Variants in ROBO2 observed in about 807,000 individuals in gnomAD.
The protein encoded by ROBO2 is roundabout guidance receptor 2, also known as roundabout homolog 2.
In ROBO2, 53 loss-of-function variants were observed where a neutral mutation model predicts 160.8. The ratio of observed to expected loss-of-function variants is 0.33; its 90% confidence interval spans 0.26 to 0.41. ROBO2 has a LOEUF of 0.41. ROBO2 is among the 10% of genes least tolerant of loss of function. The probability of loss-of-function intolerance (pLI) is 1.00; values close to 1 mark genes in which losing one functional copy is unlikely to be tolerated. For missense variants in ROBO2, 1,577 were observed against 1,722.4 expected, an observed-to-expected ratio of 0.92 and a Z score of 1.49; for synonymous variants, 664 against 611.7, an observed-to-expected ratio of 1.09 and a Z score of -1.26.
intron 2 of ROBO2, among the ~76,000 whole-genome samples, chr3:76,737,417 A>G (rs565701876): frequency 6.6e-6 from 1 of 152,180 alleles, no homozygotes; most frequent in South Asian, 2.1e-4. Context: ...ATTTTCTGAG[A>G]ATTGGAATCC....
chr3:76,939,978 G>GCTTTTTTTT (rs2078048454), intron 2 of ROBO2, among the ~76,000 whole-genome samples: 1 of 81,460 alleles, frequency 1.2e-5, no homozygotes, highest in African/African-American at 5.2e-5. Context: ...AAAGCAACAG[G>GCTTTTTTTT]ATTTTTTTTT....
chr3:76,628,761 C>A (rs147199503), intron 2 of ROBO2, among the ~76,000 whole-genome samples: 1 of 152,242 alleles, frequency 6.6e-6, no homozygotes, highest in East Asian at 1.9e-4. Context: ...ATCAATTCTA[C>A]TAGTTTTGTT....
chr3:76,563,477 G>C (rs533172752), intron 2 of ROBO2, among the ~76,000 whole-genome samples: 1 of 152,070 alleles, frequency 6.6e-6, no homozygotes, highest in African/African-American at 2.4e-5. Context: ...TATTATTCTT[G>C]TCCCTTTATG....
chr3:75,966,543 C>T (rs1428026884), intron 2 of ROBO2, among the ~76,000 whole-genome samples: 1 of 151,632 alleles, frequency 6.6e-6, no homozygotes, highest in African/African-American at 2.4e-5. Flanking sequence ...GCCATGCTTG[C>T]ATTTGAATCC....
intron 2 of ROBO2, among the ~76,000 whole-genome samples, chr3:76,424,968 A>C (rs2076150294): frequency 6.6e-6 from 1 of 152,114 alleles, no homozygotes; most frequent in Non-Finnish European, 1.5e-5. Flanking sequence ...CTCATCTTCC[A>C]CCACACCCAG....
chr3:77,112,845 T>A (rs1437606032), intron 2 of ROBO2, among the ~76,000 whole-genome samples: 1 of 152,136 alleles, frequency 6.6e-6, no homozygotes, highest in East Asian at 1.9e-4. Context: ...TAAACCTAAA[T>A]AATAAATAAA....
At chr3:76,373,121 T>A (rs1252632459) in intron 2 of ROBO2, among the ~76,000 whole-genome samples, 2 of 152,138 alleles carry the variant, frequency 1.3e-5, no homozygotes, top group South Asian at 4.1e-4. Flanking sequence ...TTTCATTCCA[T>A]GGAACTAGAG....
At chr3:77,337,445 T>A (rs1174288380) in intron 2 of ROBO2, among the ~76,000 whole-genome samples, 1 of 152,168 alleles carries the variant, frequency 6.6e-6, no homozygotes, top group Non-Finnish European at 1.5e-5. Flanking sequence ...TCTTAAAGGC[T>A]GCTCAAGTTC....
At chr3:76,844,678 G>A (rs1006269278) in intron 2 of ROBO2, among the ~76,000 whole-genome samples, 4 of 151,874 alleles carry the variant, frequency 2.6e-5, no homozygotes, top group South Asian at 4.1e-4. Context: ...AAAAGTTGTA[G>A]TGTCCAGGAA....
rs1051210899 is a variant in ROBO2, at chr3:75,961,712, C to A, written c.109+24110C>A. ...GATTTTTTTATGCTATCTCATCAAA[C>A]TGAAACTTTTTGATGGATATAGAAA... On this transcript the variant is annotated intron_variant, in intron 2 of 26. Transcript: ENST00000487694. Among the ~76,000 whole-genome samples the A allele has an allele frequency of 2.0e-5, 3 of 151,286 alleles. No individual in the cohort carries two copies. The East Asian group carries it at 5.9e-4, about 30-fold the overall frequency.
chr3:76,961,928 A>T (rs1296077176), intron 2 of ROBO2, among the ~76,000 whole-genome samples: 1 of 152,186 alleles, frequency 6.6e-6, no homozygotes, highest in Non-Finnish European at 1.5e-5. Context: ...GCCTGGTGAG[A>T]TGGCTCACAC....
chr3:76,306,683 G>GAT (rs1392325829), intron 2 of ROBO2, among the ~76,000 whole-genome samples: 1 of 152,072 alleles, frequency 6.6e-6, no homozygotes, highest in Non-Finnish European at 1.5e-5. Flanking sequence ...AATTCTTAAG[G>GAT]ATATAAGCAT....
In ROBO2 at chr3:76,739,995, GA is replaced by G. The variant is rs2093776359; in HGVS notation, c.110-358014del. ...TATGGGTCTTCCATTTCAAAACTAA[GA>G]AAAATGGCGTTTTTGAACATATCTT... is the stretch of plus-strand genomic sequence containing the variant. On this transcript the variant is annotated intron_variant, in intron 2 of 26. Transcript: ENST00000487694. Among the ~76,000 whole-genome samples, 4 of 152,254 alleles carry G rather than the reference GA, an allele frequency of 2.6e-5. No homozygotes were observed. In the South Asian group the frequency reaches 8.3e-4, roughly 32 times the overall value.
At chr3:76,072,926 A>T (rs186202711) in intron 2 of ROBO2, among the ~76,000 whole-genome samples, 104 of 152,346 alleles carry the variant, frequency 6.8e-4, no homozygotes, top group Middle Eastern at 3.4e-3. Flanking sequence ...GAAATCAATA[A>T]TAGAAAGTAC....
intron 2 of ROBO2, among the ~76,000 whole-genome samples, chr3:76,135,508 C>T (rs1230968653): frequency 6.6e-6 from 1 of 152,010 alleles, no homozygotes; most frequent in Non-Finnish European, 1.5e-5. Context: ...TTGGTAATTC[C>T]TTAATCCACT....
chr3:77,599,988 T>G (rs1158790495), intron 19 of ROBO2, among the ~76,000 whole-genome samples: 1 of 152,120 alleles, frequency 6.6e-6, no homozygotes, highest in East Asian at 1.9e-4. Context: ...ATAACCAAGG[T>G]GCTGAAAAAC....
At chr3:76,717,874 A>G (rs146895619) in intron 2 of ROBO2, among the ~76,000 whole-genome samples, 201 of 150,544 alleles carry the variant, frequency 1.3e-3, no homozygotes, top group Admixed American at 3.0e-3. Flanking sequence ...ATCTCCCACC[A>G]CAATGATTTC....
chr3:76,038,840 T>C (rs2067198091), intron 2 of ROBO2, among the ~76,000 whole-genome samples: 1 of 151,698 alleles, frequency 6.6e-6, no homozygotes, highest in African/African-American at 2.4e-5. Context: ...AGATTGTGTC[T>C]AGTAATCTTA....
intron 2 of ROBO2, among the ~76,000 whole-genome samples, chr3:76,756,017 T>C (rs143917560): frequency 1.3e-5 from 2 of 152,000 alleles, no homozygotes; most frequent in Admixed American, 6.6e-5. Context: ...CTATGTATGA[T>C]ATCAATTTTT....
Sources: gnomAD v4.1 joint callset for allele counts (sites outside exome capture counted in the v4.1 genomes callset) on GRCh38, gnomAD v4.1.1 for gene constraint, MANE v1.5 for transcripts, NCBI Gene and HGNC (gene_info 2026-07-23, HGNC 2026-07-21) for gene names.